Variants in ICA1L observed in about 807,000 individuals in gnomAD.
ICA1L encodes islet cell autoantigen 1 like.
In ICA1L, 50 loss-of-function variants were observed where a neutral mutation model predicts 61.3. That is an observed-to-expected ratio of 0.82 (90% CI 0.65 to 1.03). The LOEUF (loss-of-function observed/expected upper bound fraction) is 1.03, where lower values mean the gene tolerates loss of function less well. ICA1L is among the 50% of genes least tolerant of loss of function. The probability of loss-of-function intolerance (pLI) is 0.00; values close to 1 mark genes in which losing one functional copy is unlikely to be tolerated. For synonymous variants in ICA1L, 161 were observed against 191.3 expected, an observed-to-expected ratio of 0.84 and a Z score of 1.31; for missense variants, 508 against 556.7, an observed-to-expected ratio of 0.91 and a Z score of 0.88.
chr2:202,828,918 A>T lies in ICA1L; in HGVS notation c.92T>A (p.Ile31Asn). 1 of 1,613,698 alleles carries T rather than the reference A, an allele frequency of 6.2e-7. No homozygotes were observed. ...KKYWKTKQVF[I>N]KATGKKEDEH... Reference sequence around the variant, plus strand: ...ATCCTCTTTTTTTCCTGTTGCTTTGATAAAGACCTGTTTAGTTTTCCAGTA... The same window carrying T: ...ATCCTCTTTTTTTCCTGTTGCTTTGTTAAAGACCTGTTTAGTTTTCCAGTA... Residue 31 changes from isoleucine to asparagine, a missense_variant, in exon 2 of 13, where the codon ATC (isoleucine) becomes AAC (asparagine). Coordinates refer to ENST00000358299, the MANE Select transcript of ICA1L (RefSeq NM_001288622.3).
intron 1 of ICA1L, among the ~76,000 whole-genome samples, chr2:202,866,802 C>G (rs150181969): frequency 0.021 from 3,229 of 152,126 alleles, 65 homozygotes; most frequent in Admixed American, 0.05. Context: ...AAAAAATTAG[C>G]TGGGTGAGGT....
intron 1 of ICA1L, among the ~76,000 whole-genome samples, chr2:202,833,932 A>G (rs987774606): frequency 1.4e-4 from 22 of 152,170 alleles, no homozygotes; most frequent in Non-Finnish European, 2.6e-4. Context: ...GGGTATTGGG[A>G]AGATGTTTGT....
intron 1 of ICA1L, among the ~76,000 whole-genome samples, chr2:202,868,075 A>G (rs1687573377): frequency 6.6e-6 from 1 of 152,226 alleles, no homozygotes; most frequent in African/African-American, 2.4e-5. Flanking sequence ...TTTTCAAACT[A>G]GAGAGAACTG....
chr2:202,845,954 T>C (rs1694452974), intron 1 of ICA1L, among the ~76,000 whole-genome samples: 2 of 152,204 alleles, frequency 1.3e-5, no homozygotes, highest in South Asian at 4.1e-4. Context: ...GTAGTCCTGC[T>C]TACTCTGGCT....
intron 1 of ICA1L, chr2:202,860,312 A>G (rs1278783194): frequency 9.4e-6 from 1 of 106,386 alleles, no homozygotes; most frequent in Non-Finnish European, 2.1e-5. Flanking sequence ...ATAATAATAA[A>G]TGGGAAAATA....
intron 8 of ICA1L, among the ~76,000 whole-genome samples, chr2:202,813,544 A>T (rs1693440729): frequency 6.6e-6 from 1 of 152,208 alleles, no homozygotes; most frequent in African/African-American, 2.4e-5. Context: ...CAAGGGCTTT[A>T]GTGCTGCATC....
At chr2:202,800,025 G>A (rs1052934191) in intron 9 of ICA1L, among the ~76,000 whole-genome samples, 14 of 151,828 alleles carry the variant, frequency 9.2e-5, no homozygotes, top group Admixed American at 4.6e-4. Flanking sequence ...TTACAGGTAC[G>A]CACTGCCACA....
rs1693600389 is a variant in ICA1L, at chr2:202,818,388, CAAG to C, written c.559-848_559-846del. On this transcript the variant is annotated intron_variant, in intron 5 of 12. Coordinates refer to ENST00000358299, the MANE Select transcript of ICA1L (RefSeq NM_001288622.3). ...TGAAGACCTTATCATGTTAGAACAA[CAAG>C]AAGCAAGGAGGTAGAGCACGTTCTT... Among the ~76,000 whole-genome samples the C allele has an allele frequency of 2.0e-5, 3 of 152,238 alleles. No homozygotes were observed. The South Asian group carries it at 6.2e-4, about 32-fold the overall frequency.
At chr2:202,853,880 C>G (rs1262715445) in intron 1 of ICA1L, among the ~76,000 whole-genome samples, 1 of 152,148 alleles carries the variant, frequency 6.6e-6, no homozygotes, top group African/African-American at 2.4e-5. Flanking sequence ...CTTACGAGAG[C>G]TCCTGAAGGA....
At chr2:202,800,517 C>T (rs1302672096) in intron 9 of ICA1L, among the ~76,000 whole-genome samples, 1 of 152,138 alleles carries the variant, frequency 6.6e-6, no homozygotes, top group Non-Finnish European at 1.5e-5. Flanking sequence ...TTCTAATACT[C>T]CAGTCTGTAT....
At chr2:202,797,136 G>GTGTGTATATA (rs1199732606) in intron 9 of ICA1L, among the ~76,000 whole-genome samples, 172 bp from the exon 10 acceptor site, 70 of 62,256 alleles carry the variant, frequency 1.1e-3, no homozygotes, top group Admixed American at 1.7e-3. Flanking sequence ...TCACATTTGT[G>GTGTGTATATA]TGTGTGTGTG....
In ICA1L at chr2:202,814,746, A is replaced by G; in HGVS notation, c.822T>C (p.Asn274=). 14 of 1,613,802 alleles carry G rather than the reference A, an allele frequency of 8.7e-6. No individual in the cohort carries two copies. The highest frequency in any genetic ancestry group is 1.2e-5 in the Non-Finnish European group (14 of 1,179,834). The change falls in exon 8 of 13, where the codon AAT becomes AAC. Residue 274 remains asparagine, a synonymous_variant. Coordinates refer to ENST00000358299, the MANE Select transcript of ICA1L (RefSeq NM_001288622.3). ...QDTPSKISED[N]KDEQIGGFLT... ...GAAAACCGCCTATTTGTTCATCTTT[A>G]TTGTCTTCACTAATCTTGCTTGGCG...
intron 1 of ICA1L, among the ~76,000 whole-genome samples, chr2:202,836,649 ACTT>A (rs778508444): frequency 6.6e-6 from 1 of 151,680 alleles, no homozygotes; most frequent in African/African-American, 2.4e-5. Context: ...TTAATGGGAG[ACTT>A]CTTATTACTG....
intron 3 of ICA1L, among the ~76,000 whole-genome samples, chr2:202,824,637 A>G (rs1226144441): frequency 6.6e-6 from 1 of 152,184 alleles, no homozygotes. Context: ...ACCCAAAGGA[A>G]GTTAGGGATT....
chr2:202,852,317 T>C (rs1694648433), intron 1 of ICA1L, among the ~76,000 whole-genome samples: 1 of 152,128 alleles, frequency 6.6e-6, no homozygotes, highest in African/African-American at 2.4e-5. Context: ...CCTTGAGGAA[T>C]TGCCACACTG....
intron 10 of ICA1L, among the ~76,000 whole-genome samples, chr2:202,790,191 A>T (rs958294926): frequency 6.6e-6 from 1 of 152,146 alleles, no homozygotes; most frequent in Non-Finnish European, 1.5e-5. Flanking sequence ...TTACCTTTTG[A>T]CAATAGAATA....
At chr2:202,800,370 A>G (rs186260195) in intron 9 of ICA1L, among the ~76,000 whole-genome samples, 24 of 152,314 alleles carry the variant, frequency 1.6e-4, no homozygotes, top group Admixed American at 6.5e-4. Flanking sequence ...AAACATTTAA[A>G]AAGTCAAATA....
intron 9 of ICA1L, among the ~76,000 whole-genome samples, chr2:202,806,067 G>A (rs1034167061): frequency 2.0e-5 from 3 of 152,082 alleles, no homozygotes; most frequent in African/African-American, 4.8e-5. Flanking sequence ...TGTGGCTCAC[G>A]CCTGTAATCC....
chr2:202,784,059 G>A (rs1692499505), intron 12 of ICA1L, among the ~76,000 whole-genome samples: 1 of 152,140 alleles, frequency 6.6e-6, no homozygotes, highest in Admixed American at 6.5e-5. Context: ...GATATCACAA[G>A]GATTCAGAAG....
Sources: gnomAD v4.1 joint callset for allele counts (sites outside exome capture counted in the v4.1 genomes callset) on GRCh38, gnomAD v4.1.1 for gene constraint, MANE v1.5 for transcripts, NCBI Gene and HGNC (gene_info 2026-07-23, HGNC 2026-07-21) for gene names.